Variants in TASP1 observed in about 807,000 individuals in gnomAD.
TASP1 encodes threonine aspartase 1.
A neutral mutation model predicts 56.6 loss-of-function variants in TASP1; 16 were observed. The ratio of observed to expected loss-of-function variants is 0.28; its 90% CI spans 0.19 to 0.43. TASP1 has a LOEUF of 0.43. Ranked by LOEUF, TASP1 falls within the 20% of genes least tolerant of loss-of-function variation. The probability of loss-of-function intolerance (pLI) is 1.00; values close to 1 mark genes in which losing one functional copy is unlikely to be tolerated. For synonymous variants in TASP1, 179 were observed against 184.2 expected, an observed-to-expected ratio of 0.97 and a Z score of 0.23; for missense variants, 393 against 511.6, an observed-to-expected ratio of 0.77 and a Z score of 2.24.
intron 10 of TASP1, among the ~76,000 whole-genome samples, chr20:13,509,526 G>A (rs2044251487): frequency 6.6e-6 from 1 of 152,096 alleles, no homozygotes; most frequent in African/African-American, 2.4e-5. Flanking sequence ...GTGAGTTGAT[G>A]GATTATGTTA....
chr20:13,413,753 A>G (rs907286167), intron 13 of TASP1, among the ~76,000 whole-genome samples: 1 of 152,224 alleles, frequency 6.6e-6, no homozygotes, highest in African/African-American at 2.4e-5. Flanking sequence ...TAAGAATTAC[A>G]CAATCGTTCC....
intron 4 of TASP1, among the ~76,000 whole-genome samples, chr20:13,602,175 G>A (rs777272844): frequency 2.7e-5 from 4 of 150,162 alleles, no homozygotes; most frequent in African/African-American, 7.4e-5. Context: ...CACCGCACCC[G>A]GCCACCCATA....
At chr20:13,540,191 T>C (rs929035237) in intron 8 of TASP1, among the ~76,000 whole-genome samples, 1 of 152,190 alleles carries the variant, frequency 6.6e-6, no homozygotes, top group African/African-American at 2.4e-5. Context: ...AAGTAGGTCA[T>C]TAAACTGCAT....
chr20:13,515,795 C>G (rs190536395), intron 10 of TASP1, among the ~76,000 whole-genome samples: 2 of 152,096 alleles, frequency 1.3e-5, no homozygotes. Context: ...ATACTAAGTA[C>G]CTTCAAAAAG....
the TASP1 span, among the ~76,000 whole-genome samples, chr20:13,307,588 G>A: frequency 6.6e-6 from 1 of 152,152 alleles, no homozygotes; most frequent in African/African-American, 2.4e-5. Context: ...CCCCCGTCCA[G>A]TAACGGGCAC....
chr20:13,344,277 G>GCA, the TASP1 span, among the ~76,000 whole-genome samples: 1,160 of 151,756 alleles, frequency 7.6e-3, 11 homozygotes, highest in Non-Finnish European at 9.7e-3. Flanking sequence ...CTATATTTGC[G>GCA]CACACACACA....
At chr20:13,293,951 G>T in the TASP1 span, among the ~76,000 whole-genome samples, 18 of 151,552 alleles carry the variant, frequency 1.2e-4, no homozygotes, top group South Asian at 2.1e-4. Context: ...TCCAGCTTGG[G>T]CAACAAGAGT....
chr20:13,221,939 G>T, the TASP1 span: 382 of 1,315,000 alleles, frequency 2.9e-4, 1 homozygote, highest in African/African-American at 5.0e-3. Flanking sequence ...GGAGAGGGCC[G>T]TGCGCGGCTG....
At chr20:13,210,959 G>A in the TASP1 span, among the ~76,000 whole-genome samples, 10 of 152,154 alleles carry the variant, frequency 6.6e-5, no homozygotes, top group Non-Finnish European at 1.2e-4. Flanking sequence ...AGGCCAAGCC[G>A]ACATTCTCCT....
intron 11 of TASP1, among the ~76,000 whole-genome samples, chr20:13,466,794 G>A (rs1288779172): frequency 6.6e-6 from 1 of 152,102 alleles, no homozygotes; most frequent in African/African-American, 2.4e-5. Flanking sequence ...ATCAGAGACT[G>A]AAATCAGGAC....
chr20:13,154,087 A>G, the TASP1 span: 3 of 1,614,176 alleles, frequency 1.9e-6, no homozygotes, highest in Non-Finnish European at 1.7e-6. Context: ...ATCTATGGCA[A>G]TGAGAATGCT....
chr20:13,500,104 C>G lies in TASP1; in HGVS notation c.875-16767G>C, dbSNP rs184542684. On this transcript the variant is annotated intron_variant, in intron 10 of 13. Coordinates refer to ENST00000337743, the MANE Select transcript of TASP1 (RefSeq NM_017714.3). ...TTATGTGACATATCCATGTAACAAA[C>G]CTGCACACACACACCCTGGACCTAT... Among the ~76,000 whole-genome samples the G allele has an allele frequency of 5.1e-3, 777 of 151,286 alleles. 4 individuals are homozygous for G. The highest frequency in any genetic ancestry group is 8.6e-3 in the Admixed American group (131 of 15,150).
chr20:13,244,577 C>T, the TASP1 span, among the ~76,000 whole-genome samples: 6,121 of 152,154 alleles, frequency 0.04, 188 homozygotes, highest in African/African-American at 0.078. Flanking sequence ...ATTAAAGATA[C>T]TTATTTAGCA....
chr20:13,606,704 G>A (rs1192749864), intron 4 of TASP1, among the ~76,000 whole-genome samples: 1 of 151,882 alleles, frequency 6.6e-6, no homozygotes, highest in African/African-American at 2.4e-5. Context: ...CTACTCGGGA[G>A]GCTAAGGCAG....
chr20:13,576,316 A>G (rs4814245), intron 6 of TASP1, among the ~76,000 whole-genome samples: 6 of 147,516 alleles, frequency 4.1e-5, no homozygotes, highest in South Asian at 2.2e-4. Context: ...GAGAGAGAGA[A>G]AGAAAGAAAA....
At chr20:13,231,286 C>T in the TASP1 span, among the ~76,000 whole-genome samples, 1 of 152,210 alleles carries the variant, frequency 6.6e-6, no homozygotes, top group Non-Finnish European at 1.5e-5. Context: ...GAGAGATGTG[C>T]TGCAGGCAGC....
At chr20:13,428,472 A>AC (rs2042692389) in intron 12 of TASP1, among the ~76,000 whole-genome samples, 1 of 152,192 alleles carries the variant, frequency 6.6e-6, no homozygotes, top group African/African-American at 2.4e-5. Flanking sequence ...CCTGGAAAGC[A>AC]CATGTAATTG....
At chr20:13,437,356 T>C (rs893763898) in intron 11 of TASP1, among the ~76,000 whole-genome samples, 1 of 152,140 alleles carries the variant, frequency 6.6e-6, no homozygotes, top group Admixed American at 6.5e-5. Flanking sequence ...ATGGGACGTA[T>C]CTCAAAATAA....
intron 13 of TASP1, among the ~76,000 whole-genome samples, chr20:13,395,420 C>T (rs1400127299): frequency 1.3e-5 from 2 of 152,164 alleles, no homozygotes; most frequent in South Asian, 2.1e-4. Context: ...TTAATTCTTA[C>T]TTATTTTTCA....
Sources: allele counts gnomAD v4.1 joint callset (sites outside exome capture counted in the v4.1 genomes callset), GRCh38; gene constraint gnomAD v4.1.1; transcripts MANE v1.5; gene names NCBI Gene and HGNC (gene_info 2026-07-23, HGNC 2026-07-21).